GTPBP3: variants seen among roughly 807,000 people sequenced by gnomAD.
The protein encoded by GTPBP3 is 5-taurinomethyluridine-[tRNA] synthase subunit GTPB3, mitochondrial.
Under a neutral mutation model 42.0 loss-of-function variants are expected in GTPBP3, and 35 were observed. The ratio of observed to expected loss-of-function variants is 0.83; its 90% CI spans 0.64 to 1.10. The LOEUF is 1.10. Among genes scored for constraint, GTPBP3 ranks in the 50% least tolerant of loss-of-function variants. The pLI, the probability that GTPBP3 is intolerant of heterozygous loss-of-function variation, is 0.00. For synonymous variants in GTPBP3, 332 were observed against 314.9 expected, an observed-to-expected ratio of 1.05 and a Z score of -0.58; for missense variants, 691 against 685.2, an observed-to-expected ratio of 1.01 and a Z score of -0.09.
chr19:17,341,525 A>C lies in GTPBP3; in HGVS notation c.1301A>C (p.His434Pro), dbSNP rs749175397. ...TDPPLLTRAR[H>P]QHHLQGCLDA... ...CCCCCGCTGCTGACCCGAGCAAGGC[A>C]CCAGCACCACCTCCAGGGTTGCCTG... Residue 434 changes from histidine (H) to proline (P), a missense_variant, in exon 9 of 9, where the codon CAC (histidine) becomes CCC (proline). By Grantham distance (77) the His-to-Pro change is moderately conservative. Coordinates refer to ENST00000324894, the MANE Select transcript of GTPBP3 (RefSeq NM_032620.4). 1.2e-6 allele frequency: 2 copies of C among 1,613,700 alleles called. No homozygotes were observed. The highest frequency in any genetic ancestry group is 2.2e-5 in the South Asian group (2 of 91,080).
In GTPBP3 at chr19:17,338,876, A is replaced by G. The variant is rs544409900; in HGVS notation, c.592-78A>G. 3.5e-5 allele frequency: 54 copies of G among 1,541,086 alleles called. No homozygotes were observed. The African/African-American group carries it at 7.1e-4, about 20-fold the overall frequency. On this transcript the variant is annotated intron_variant, in intron 4 of 8. Coordinates refer to ENST00000324894, the MANE Select transcript of GTPBP3 (RefSeq NM_032620.4). ...TATGAGCCGCCATTCTGGCCCCTGA[A>G]GTCGGGCTGGACAAATTGGGTGTGG...
intron 6 of GTPBP3, 35 bp from the exon 7 acceptor site, chr19:17,339,399 C>T: frequency 5.0e-6 from 8 of 1,608,412 alleles, no homozygotes; most frequent in Non-Finnish European, 6.8e-6. Context: ...GCTCCCTTGT[C>T]TCCACCCTCT....
rs758576361 is a variant in GTPBP3 at position 17,338,111 on chromosome 19, ACCAGCGGCCCCG to A, written c.167_178del (p.Pro56_Gly59del). On this transcript the variant is annotated inframe_deletion, in exon 2 of 9. Transcript: ENST00000324894. ...CCGCTGCGGCATCGCAGTGATCCGG[ACCAGCGGCCCCG>A]CCAGCGGCCACGCCCTCCGAATTCT... The A allele has an allele frequency of 2.8e-5, 44 of 1,591,046 alleles. No homozygotes were observed. Among genetic ancestry groups the A allele is most frequent in the South Asian group, 5.6e-5 (5 of 90,086 alleles).
At position 17,341,557 on chromosome 19, in the gene GTPBP3, C is replaced by T; in HGVS notation, c.1333C>T (p.Leu445Phe). ...CCACCTCCAGGGTTGCCTGGATGCCCTCGGCCACTACAAGCAGTCAAAAGA... is the reference window on the plus strand; with the variant it reads ...CCACCTCCAGGGTTGCCTGGATGCCTTCGGCCACTACAAGCAGTCAAAAGA... The part of the protein sequence containing the change: ...QHHLQGCLDA[L>F]GHYKQSKDLA... The change falls in exon 9 of 9, where the codon CTC (leucine) becomes TTC (phenylalanine). Residue 445 changes from leucine (L) to phenylalanine (F), a missense_variant. By Grantham distance (22) the Leu-to-Phe change is conservative (BLOSUM62 0). Transcript: ENST00000324894. 1 of 1,613,892 alleles carries T rather than the reference C, an allele frequency of 6.2e-7. No individual in the cohort carries two copies. Among genetic ancestry groups the T allele is most frequent in the Non-Finnish European group, 8.5e-7 (1 of 1,179,978 alleles).
chr19:17,339,527 T>A lies in GTPBP3; in HGVS notation c.902T>A (p.Leu301Gln). ...GACCTGGCCGGATTTCCTGTGCTGCTGAGCGACACGGCTGGGTTGCGGGAG... is the reference window on the plus strand; with the variant it reads ...GACCTGGCCGGATTTCCTGTGCTGCAGAGCGACACGGCTGGGTTGCGGGAG... The part of the protein sequence containing the change: ...PVDLAGFPVL[L>Q]SDTAGLREGV... Residue 301 changes from leucine (L) to glutamine (Q), a missense_variant, in exon 7 of 9, where the codon CTG becomes CAG. Coordinates refer to ENST00000324894, the MANE Select transcript of GTPBP3 (RefSeq NM_032620.4). The A allele has an allele frequency of 6.2e-7, 1 of 1,613,846 alleles. No individual in the cohort carries two copies.
chr19:17,338,055 C>CCACCA lies in GTPBP3; in HGVS notation c.102_106dup (p.Ile36ThrfsTer6), dbSNP rs748334054. On this transcript the variant is annotated frameshift_variant, in exon 2 of 9. Transcript: ENST00000324894. LOFTEE classifies it high-confidence loss of function. The stretch of plus-strand genomic sequence containing the variant: ...GGCGCACCAGCCCCCGGCTCCGGCG[C>CCACCA]CACCATCTTCGCGCTAAGCTCTGGC... The CCACCA allele has an allele frequency of 6.3e-6, 10 of 1,597,984 alleles. No individual in the cohort carries two copies. The highest frequency in any genetic ancestry group is 6.8e-6 in the Non-Finnish European group (8 of 1,179,462).
chr19:17,341,094 CCT>C lies in GTPBP3; in HGVS notation c.1029_1030del (p.Pro344LeufsTer20). On this transcript the variant is annotated frameshift_variant, in exon 8 of 9. Coordinates refer to ENST00000324894, the MANE Select transcript of GTPBP3 (RefSeq NM_032620.4). LOFTEE classifies it high-confidence loss of function. ...GCCATGCTGGATGCTTCTGACCTGG[CCT>C]CTCCCTCCAGTTGCAACTTCCTGGC... is the stretch of plus-strand genomic sequence containing the variant. The C allele has an allele frequency of 6.2e-7, 1 of 1,613,914 alleles. No individual in the cohort carries two copies. The highest frequency in any genetic ancestry group is 1.3e-5 in the African/African-American group (1 of 75,046).
upstream of GTPBP3, chr19:17,337,161 T>TA (rs1392842489): frequency 1.9e-5 from 3 of 157,756 alleles, no homozygotes; most frequent in African/African-American, 7.2e-5. Flanking sequence ...TAAAGAGGTG[T>TA]AGTCCCTCCT....
chr19:17,338,532 C>A lies in GTPBP3; in HGVS notation c.389-7C>A, dbSNP rs762403119. 8 of 1,613,160 alleles carry A rather than the reference C, an allele frequency of 5.0e-6. No homozygotes were observed. The highest frequency in any genetic ancestry group is 6.8e-6 in the Non-Finnish European group (8 of 1,179,464). Reference sequence around the variant, plus strand: ...CCAGGGGGTGTCAGACTGGGACCTTCCTGCAGGCAGCGTGCCAGGGCTTCG... The same window carrying A: ...CCAGGGGGTGTCAGACTGGGACCTTACTGCAGGCAGCGTGCCAGGGCTTCG... On this transcript the variant is annotated splice_region_variant and splice_polypyrimidine_tract_variant and intron_variant, in intron 3 of 8. Transcript: ENST00000324894.
rs1367217451 is a variant in GTPBP3, at chr19:17,338,711, C to T, written c.561C>T (p.Leu187=). ...LRQLDGELGH[L]CRGWAETLTK... is the part of the protein sequence containing the mutation. ...AGCTGGACGGAGAGCTGGGCCACCT[C>T]TGCCGTGGCTGGGCCGAGACCCTCA... Residue 187 remains leucine (L), a synonymous_variant, in exon 4 of 9, where the codon CTC becomes CTT. Coordinates refer to ENST00000324894, the MANE Select transcript of GTPBP3 (RefSeq NM_032620.4). The T allele has an allele frequency of 6.2e-7, 1 of 1,612,476 alleles. No homozygotes were observed. The highest frequency in any genetic ancestry group is 1.7e-5 in the Admixed American group (1 of 59,930).
chr19:17,335,629 T>C (rs2074360301), upstream of GTPBP3, among the ~76,000 whole-genome samples: 1 of 152,162 alleles, frequency 6.6e-6, no homozygotes, highest in African/African-American at 2.4e-5. Flanking sequence ...ATACTAGTAC[T>C]AAAAAATTAT....
chr19:17,341,299 G>T lies in GTPBP3; in HGVS notation c.1230G>T (p.Ala410=), dbSNP rs200027460. Residue 410 remains alanine (A), a synonymous_variant, in exon 8 of 9, where the codon GCG becomes GCT. Transcript: ENST00000324894. ...TGEGLDGLLE[A]LRKELAAVCG... ...AGGGGCTGGACGGCCTCCTGGAGGC[G>T]CTGAGGAAGGAGCTAGCTGCAGTGT... 6.9e-6 allele frequency: 11 copies of T among 1,603,258 alleles called. No homozygotes were observed. The highest frequency in any genetic ancestry group is 6.6e-5 in the South Asian group (6 of 90,822).
chr19:17,339,910 CTA>C (rs1331298624), intron 7 of GTPBP3, among the ~76,000 whole-genome samples: 33 of 91,270 alleles, frequency 3.6e-4, no homozygotes, highest in African/African-American at 1.9e-3. Flanking sequence ...CCACGCCGAA[CTA>C]TTTTTTTTTT....
At chr19:17,339,738 CTT>C (rs34014252) in intron 7 of GTPBP3, 139 bp downstream of exon 7, 87,277 of 485,928 alleles carry the variant, frequency 0.18, 56 homozygotes, top group Middle Eastern at 0.2. Flanking sequence ...GGATTTGGTT[CTT>C]TTTTTTTTTT....
upstream of GTPBP3, chr19:17,335,252 G>T (rs1325536353): frequency 1.1e-5 from 15 of 1,320,180 alleles, no homozygotes; most frequent in Non-Finnish European, 1.5e-5. Flanking sequence ...AACTTTGCAC[G>T]CACCATTTGG....
At chr19:17,339,698 C>A in intron 7 of GTPBP3, 99 bp downstream of exon 7, 3 of 1,189,722 alleles carry the variant, frequency 2.5e-6, no homozygotes, top group Non-Finnish European at 3.5e-6. Flanking sequence ...ATCAGAGAAC[C>A]TGCTAAGCCC....
At position 17,338,993 on chromosome 19, in the gene GTPBP3, G is replaced by T; in HGVS notation, c.631G>T (p.Asp211Tyr). Residue 211 changes from aspartate to tyrosine, a missense_variant, in exon 5 of 9, where the codon GAT becomes TAT. Transcript: ENST00000324894. ...GGAGGCCTATATCGATTTCGGCGAG[G>T]ATGACAACCTGGAGGAGGGGGTCCT... ...HVEAYIDFGE[D>Y]DNLEEGVLEQ... 1 of 1,613,450 alleles carries T rather than the reference G, an allele frequency of 6.2e-7. No individual in the cohort carries two copies. The highest frequency in any genetic ancestry group is 8.5e-7 in the Non-Finnish European group (1 of 1,179,516).
rs562066566 is a variant in GTPBP3 at position 17,342,029 on chromosome 19, T to C, written c.*326T>C. 3 of 255,664 alleles carry C rather than the reference T, an allele frequency of 1.2e-5. No homozygotes were observed. The East Asian group carries it at 2.1e-4, about 18-fold the overall frequency. 15.8% of individuals were successfully genotyped at this position (255,664 alleles called of 1,614,324 possible). On this transcript the variant is annotated 3_prime_UTR_variant, in exon 9 of 9. Coordinates refer to ENST00000324894, the MANE Select transcript of GTPBP3 (RefSeq NM_032620.4). Reference sequence around the variant, plus strand: ...CAAAGGAATGTAAAAAAAACTCAGGTGATCTAGAAGTGTTTATTTTCTTCC... The same window carrying C: ...CAAAGGAATGTAAAAAAAACTCAGGCGATCTAGAAGTGTTTATTTTCTTCC...
chr19:17,338,664 C>T lies in GTPBP3; in HGVS notation c.514C>T (p.Gln172Ter). ...CCTTATCCACGCGGAAACAGAGGCGCAGCGGCGGCAGGCCCTCAGGCAGCT... is the reference window on the plus strand; with the variant it reads ...CCTTATCCACGCGGAAACAGAGGCGTAGCGGCGGCAGGCCCTCAGGCAGCT... ...ADLIHAETEA[Q>*]RRQALRQLDG... The change falls in exon 4 of 9, where the codon CAG becomes TAG. Residue 172 changes from glutamine (Q) to a stop codon, truncating the protein, a stop_gained. Transcript: ENST00000324894. LOFTEE classifies it high-confidence loss of function. 2 of 1,613,784 alleles carry T rather than the reference C, an allele frequency of 1.2e-6. No individual in the cohort carries two copies. Among genetic ancestry groups the T allele is most frequent in the Non-Finnish European group, 1.7e-6 (2 of 1,179,920 alleles).
Sources: gnomAD v4.1 joint callset for allele counts (sites outside exome capture counted in the v4.1 genomes callset) on GRCh38, gnomAD v4.1.1 for gene constraint, MANE v1.5 for transcripts, NCBI Gene and HGNC (gene_info 2026-07-23, HGNC 2026-07-21) for gene names.